The following RELN variants were observed in gnomAD, a reference collection of about 807,000 sequenced individuals.
The protein encoded by RELN is reelin.
Under a neutral mutation model 427.6 loss-of-function variants are expected in RELN, and 108 were observed. The ratio of observed to expected loss-of-function variants is 0.25; its 90% CI spans 0.22 to 0.30. The LOEUF is 0.30. Ranked by LOEUF, RELN falls within the 10% of genes least tolerant of loss-of-function variation. The pLI is 1.00. For missense variants in RELN, 3,715 were observed against 4,302.8 expected, an observed-to-expected ratio of 0.86 and a Z score of 3.82; for synonymous variants, 1,524 against 1,513.4, an observed-to-expected ratio of 1.01 and a Z score of -0.16.
At chr7:103,515,506 A>AGAG (rs1829544107) in intron 49 of RELN, 65 bp from the exon 50 acceptor site, 1 of 1,591,058 alleles carries the variant, frequency 6.3e-7, no homozygotes, top group African/African-American at 1.3e-5. Context: ...TCTGAGTAAA[A>AGAG]GATTTACAAC....
At chr7:103,748,609 A>G (rs1029837958) in intron 6 of RELN, among the ~76,000 whole-genome samples, 2 of 152,216 alleles carry the variant, frequency 1.3e-5, no homozygotes, top group South Asian at 2.1e-4. Context: ...TAAAATGATT[A>G]TTGCTAAATA....
Position 103,927,168 on chromosome 7 carries a change from G to A in RELN, c.227-9983C>T, listed in dbSNP as rs186114318. On this transcript the variant is annotated intron_variant, in intron 1 of 64. Transcript: ENST00000428762. ...CTCACTTATTTTATGATCAGACCCT[G>A]TGGGTGTGAGACTATGTGTGTATTG... 5.5e-3 allele frequency among the ~76,000 whole-genome samples: 837 copies of A among 152,240 alleles called. 3 individuals carry two copies. Among genetic ancestry groups the A allele is most frequent in the Non-Finnish European group, 1.0e-2 (679 of 68,020 alleles).
intron 28 of RELN, among the ~76,000 whole-genome samples, chr7:103,587,673 A>G (rs559311134): frequency 9.2e-5 from 14 of 152,312 alleles, no homozygotes; most frequent in Non-Finnish European, 1.6e-4. Flanking sequence ...AAGAACTCAA[A>G]CAACAGCAAC....
chr7:103,978,091 TTTTTA>T (rs1796918113), intron 1 of RELN, among the ~76,000 whole-genome samples: 2 of 152,332 alleles, frequency 1.3e-5, no homozygotes, highest in South Asian at 4.1e-4. Context: ...AATGAACATC[TTTTTA>T]TTTGAGATTA....
intron 4 of RELN, among the ~76,000 whole-genome samples, chr7:103,772,477 G>A (rs1243588164): frequency 6.6e-6 from 1 of 152,208 alleles, no homozygotes; most frequent in African/African-American, 2.4e-5. Flanking sequence ...GCTTGGAGTA[G>A]TGTCTGGCAC....
At chr7:103,545,760 G>C (rs547764446) in intron 41 of RELN, among the ~76,000 whole-genome samples, 1 of 152,052 alleles carries the variant, frequency 6.6e-6, no homozygotes, top group South Asian at 2.1e-4. Flanking sequence ...TCCTGCCTCA[G>C]CCTCCTGAGT....
At chr7:103,696,419 C>T (rs958883786) in intron 10 of RELN, among the ~76,000 whole-genome samples, 7 of 152,062 alleles carry the variant, frequency 4.6e-5, no homozygotes, top group Non-Finnish European at 1.0e-4. Flanking sequence ...CATCTAACCT[C>T]CCACCAAATA....
intron 28 of RELN, among the ~76,000 whole-genome samples, chr7:103,585,038 CA>C (rs1831238011): frequency 6.6e-6 from 1 of 151,366 alleles, no homozygotes; most frequent in Non-Finnish European, 1.5e-5. Context: ...CACAACATAC[CA>C]AAACCTCTGA....
chr7:103,848,095 A>G (rs1010454692), intron 2 of RELN, among the ~76,000 whole-genome samples: 8 of 152,188 alleles, frequency 5.3e-5, no homozygotes, highest in African/African-American at 1.9e-4. Context: ...GTACAGTTAA[A>G]ATAATCAGAT....
At chr7:103,954,222 T>C (rs1796389624) in intron 1 of RELN, among the ~76,000 whole-genome samples, 1 of 152,172 alleles carries the variant, frequency 6.6e-6, no homozygotes, top group African/African-American at 2.4e-5. Flanking sequence ...ATCGCACCAT[T>C]GCACTTCATC....
chr7:103,587,387 G>A (rs1831301135), intron 28 of RELN, among the ~76,000 whole-genome samples: 1 of 152,042 alleles, frequency 6.6e-6, no homozygotes, highest in Non-Finnish European at 1.5e-5. Flanking sequence ...ACTCAAAATG[G>A]ATTGGACTTA....
chr7:103,583,649 G>A (rs1265946153), intron 28 of RELN, among the ~76,000 whole-genome samples: 4 of 152,114 alleles, frequency 2.6e-5, no homozygotes, highest in African/African-American at 9.7e-5. Flanking sequence ...ACCTTGAATA[G>A]AACATCTAGG....
intron 2 of RELN, among the ~76,000 whole-genome samples, chr7:103,914,068 A>T (rs551526773): frequency 3.9e-5 from 6 of 152,336 alleles, no homozygotes; most frequent in African/African-American, 9.6e-5. Flanking sequence ...ATTCAGGCTA[A>T]TCAAAATATA....
intron 1 of RELN, among the ~76,000 whole-genome samples, chr7:103,935,619 T>A (rs756415453): frequency 3.9e-5 from 6 of 152,186 alleles, no homozygotes; most frequent in Non-Finnish European, 7.3e-5. Context: ...CTCCCTCCTT[T>A]AAGCTCCAGC....
intron 3 of RELN, among the ~76,000 whole-genome samples, chr7:103,791,356 A>C (rs1380260394): frequency 6.6e-6 from 1 of 152,214 alleles, no homozygotes; most frequent in Non-Finnish European, 1.5e-5. Context: ...TTTACCACAA[A>C]GTTACCATAA....
intron 8 of RELN, among the ~76,000 whole-genome samples, chr7:103,708,229 T>C (rs1834247497): frequency 6.6e-6 from 1 of 152,216 alleles, no homozygotes; most frequent in Non-Finnish European, 1.5e-5. Flanking sequence ...AATTCATCAA[T>C]GAGTCGACCA....
chr7:103,864,869 T>C (rs1274308501), intron 2 of RELN, among the ~76,000 whole-genome samples: 1 of 149,330 alleles, frequency 6.7e-6, no homozygotes, highest in Non-Finnish European at 1.5e-5. Flanking sequence ...TTACAATTGA[T>C]GCCACAGAAA....
intron 19 of RELN, among the ~76,000 whole-genome samples, chr7:103,631,571 C>T (rs141109986): frequency 1.2e-3 from 185 of 152,074 alleles, no homozygotes; most frequent in African/African-American, 4.2e-3. Flanking sequence ...GGATTACAGG[C>T]GTGGGCCACT....
At chr7:103,515,478 C>A (rs200737521) in intron 49 of RELN, 37 bp from the exon 50 acceptor site, 2 of 1,605,448 alleles carry the variant, frequency 1.2e-6, no homozygotes, top group Admixed American at 3.4e-5. Context: ...TGGGGAAGAA[C>A]CCTTGTCAAA....
Sources: allele counts gnomAD v4.1 joint callset (sites outside exome capture counted in the v4.1 genomes callset), GRCh38; gene constraint gnomAD v4.1.1; transcripts MANE v1.5; gene names NCBI Gene and HGNC (gene_info 2026-07-23, HGNC 2026-07-21).